NME6: variants seen among roughly 807,000 people sequenced by gnomAD.
The protein encoded by NME6 is NME/NM23 nucleoside diphosphate kinase 6, also known as nucleoside diphosphate kinase 6, mitochondrial.
Under a neutral mutation model 22.2 loss-of-function variants are expected in NME6, and 16 were observed. The ratio of observed to expected loss-of-function variants is 0.72; its 90% CI spans 0.49 to 1.09. The LOEUF (loss-of-function observed/expected upper bound fraction) is 1.09, where lower values mean the gene tolerates loss of function less well. Ranked by LOEUF, NME6 falls within the 50% of genes least tolerant of loss-of-function variation. The pLI is 0.00. For missense variants in NME6, 229 were observed against 239.0 expected (o/e 0.96, Z 0.28); for synonymous variants, 58 against 85.2 (o/e 0.68, Z 1.76).
intron 1 of NME6, chr3:48,298,890 A>C (rs1455287017): frequency 5.8e-6 from 4 of 694,958 alleles, no homozygotes; most frequent in Non-Finnish European, 1.1e-5. Flanking sequence ...TATACTCCTA[A>C]ACAGCCTATC....
chr3:48,290,832 C>A, downstream of NME6: 1 of 194,122 alleles, frequency 5.2e-6, no homozygotes, highest in South Asian at 9.5e-5. Context: ...ACATCAGTTC[C>A]CATGTTGTAT....
At position 48,298,035 on chromosome 3, in the gene NME6, C is replaced by T. The variant is rs187714093; in HGVS notation, c.90+392G>A. 321 of 280,196 alleles carry T rather than the reference C, an allele frequency of 1.1e-3. 3 individuals carry two copies. The highest frequency in any genetic ancestry group is 6.9e-3 in the African/African-American group (294 of 42,916). 17.4% of individuals were successfully genotyped at this position (280,196 alleles called of 1,614,324 possible). ...ACCCTCCAGATAAGGACCTGGTCAG[C>T]CAATACCTTGACTTTGGCCTTGTGA... On this transcript the variant is annotated intron_variant, in intron 2 of 5. Coordinates refer to ENST00000442597, the MANE Select transcript of NME6 (RefSeq NM_001308426.2).
chr3:48,301,276 T>A (rs1303195496), intron 1 of NME6, 77 bp downstream of exon 1: 1 of 1,597,054 alleles, frequency 6.3e-7, no homozygotes, highest in Non-Finnish European at 8.5e-7. Context: ...TCACCCCTCG[T>A]ACCCGGGGCC....
Position 48,295,143 on chromosome 3 carries a change from T to A in NME6, c.326A>T (p.His109Leu). Residue 109 changes from histidine to leucine, a missense_variant, in exon 5 of 6, where the codon CAT becomes CTT. Transcript: ENST00000442597. ...CCCACGGATAGAATCTGGGGCCACATGGCGTGCTCGGAACACTCTGGTGGG... is the reference window on the plus strand; with the variant it reads ...CCCACGGATAGAATCTGGGGCCACAAGGCGTGCTCGGAACACTCTGGTGGG... ...MGPTRVFRARHVAPDSIRGSF... is the reference protein window; with the variant it reads ...MGPTRVFRARLVAPDSIRGSF... The A allele has an allele frequency of 6.2e-7, 1 of 1,614,146 alleles. No individual in the cohort carries two copies.
chr3:48,297,081 C>T (rs2035197694), intron 2 of NME6, among the ~76,000 whole-genome samples: 1 of 152,220 alleles, frequency 6.6e-6, no homozygotes, highest in African/African-American at 2.4e-5. Context: ...GGACCCACCA[C>T]TCAGACCACC....
rs2035403158 is a variant in NME6 at position 48,298,830 on chromosome 3, C to T, written c.-7-307G>A. ...CAAGTTTAAATACTACCTGTCTCTGCCAATATCCCTTCCTAACTTCCTTTT... is the reference window on the plus strand; with the variant it reads ...CAAGTTTAAATACTACCTGTCTCTGTCAATATCCCTTCCTAACTTCCTTTT... On this transcript the variant is annotated intron_variant, in intron 1 of 5. Transcript: ENST00000442597. 1.1e-4 allele frequency: 69 copies of T among 637,644 alleles called. 1 individual carries two copies. In the South Asian group the frequency reaches 1.2e-3, roughly 11 times the overall value. 39.5% of individuals were successfully genotyped at this position (637,644 alleles called of 1,614,324 possible). A position where few individuals can be genotyped will look rare whatever the true frequency, so the allele number is the denominator to read the frequency against.
chr3:48,298,825 C>T (rs1560005220), intron 1 of NME6: 1 of 629,822 alleles, frequency 1.6e-6, no homozygotes, highest in Non-Finnish European at 2.9e-6. Flanking sequence ...TACTACCTGT[C>T]TCTGCCAATA....
chr3:48,291,775 ATTTTG>A (rs2034501279), downstream of NME6: 1 of 151,840 alleles, frequency 6.6e-6, no homozygotes, highest in African/African-American at 2.4e-5. Flanking sequence ...GTTTTGTTTC[ATTTTG>A]TTTTGAGACG....
chr3:48,291,219 T>C, downstream of NME6: 1 of 364,488 alleles, frequency 2.7e-6, no homozygotes, highest in South Asian at 2.3e-5. Context: ...ATTGGAAAAA[T>C]AAGCAGGAAG....
downstream of NME6, among the ~76,000 whole-genome samples, chr3:48,290,563 A>G (rs1328241335): frequency 6.6e-6 from 1 of 152,232 alleles, no homozygotes; most frequent in African/African-American, 2.4e-5. Flanking sequence ...CAAAAAAATT[A>G]TAAAATGGAT....
At position 48,292,723 on chromosome 3, in the gene NME6, T is replaced by A. The variant is rs1310907149; in HGVS notation, c.*1914A>T. 1.3e-5 allele frequency: 2 copies of A among 152,152 alleles called. No homozygotes were observed. Among genetic ancestry groups the A allele is most frequent in the Non-Finnish European group, 2.9e-5 (2 of 68,040 alleles). The allele number at this position is 152,152 out of a possible 1,614,324, so 9.4% of individuals were successfully genotyped here. ...CGCCACCACGCTTGGCTAATTTTTG[T>A]ATTTTTAGTAGAGACGGGATTTCTC... On this transcript the variant is annotated 3_prime_UTR_variant, in exon 6 of 6. Coordinates refer to ENST00000442597, the MANE Select transcript of NME6 (RefSeq NM_001308426.2).
In NME6 at chr3:48,301,362, C is replaced by T. The variant is rs760491706; in HGVS notation, c.-17G>A. 2.8e-5 allele frequency: 44 copies of T among 1,558,978 alleles called. No homozygotes were observed. The highest frequency in any genetic ancestry group is 2.0e-4 in the Middle Eastern group (1 of 5,074). On this transcript the variant is annotated 5_prime_UTR_variant, in exon 1 of 6. Transcript: ENST00000442597. ...CCGGCTGCGGGTTCACCTTGTCCTCCGGCACAGGGCCCGGCCACCAGGCGC... is the reference window on the plus strand; with the variant it reads ...CCGGCTGCGGGTTCACCTTGTCCTCTGGCACAGGGCCCGGCCACCAGGCGC...
At chr3:48,298,911 A>G in intron 1 of NME6, 1 of 702,124 alleles carries the variant, frequency 1.4e-6, no homozygotes, top group Non-Finnish European at 2.6e-6. Context: ...CACAAGGCCT[A>G]TTCATAATGA....
chr3:48,299,210 T>C (rs1193252850), intron 1 of NME6: 2 of 476,710 alleles, frequency 4.2e-6, no homozygotes, highest in Admixed American at 3.7e-5. Context: ...ACAAAGGTGC[T>C]TGATCAATTT....
chr3:48,295,716 C>T (rs13067450), intron 4 of NME6: 53,566 of 222,602 alleles, frequency 0.24, 7,410 homozygotes, highest in South Asian at 0.31. Context: ...TAATTTTTTG[C>T]TGTTGTTGTT....
At chr3:48,298,031 T>C in intron 2 of NME6, 1 of 264,360 alleles carries the variant, frequency 3.8e-6, no homozygotes, top group Non-Finnish European at 7.4e-6. Context: ...AAGGACCTGG[T>C]CAGCCAATAC....
chr3:48,300,644 G>C (rs957725612), intron 1 of NME6: 4 of 265,798 alleles, frequency 1.5e-5, no homozygotes, highest in Non-Finnish European at 3.0e-5. Flanking sequence ...CCTGTAGGGA[G>C]GACATGGTTC....
chr3:48,295,628 G>T (rs1458568974), intron 4 of NME6: 1 of 241,302 alleles, frequency 4.1e-6, no homozygotes, highest in East Asian at 1.0e-4. Flanking sequence ...TGCAACCTCT[G>T]CTTCCTGAAT....
chr3:48,300,018 T>G (rs1216281223), intron 1 of NME6, among the ~76,000 whole-genome samples: 2 of 152,134 alleles, frequency 1.3e-5, no homozygotes, highest in Non-Finnish European at 2.9e-5. Flanking sequence ...CATTCTCCCA[T>G]CCTCAACTGC....
Sources: gnomAD v4.1 joint callset for allele counts (sites outside exome capture counted in the v4.1 genomes callset) on GRCh38, gnomAD v4.1.1 for gene constraint, MANE v1.5 for transcripts, NCBI Gene and HGNC (gene_info 2026-07-23, HGNC 2026-07-21) for gene names.